ZFHX3: variants seen among roughly 807,000 people sequenced by gnomAD.
The protein encoded by ZFHX3 is zinc finger homeobox 3.
Under a neutral mutation model 279.1 loss-of-function variants are expected in ZFHX3, and 42 were observed. That is an observed-to-expected ratio of 0.15 (90% confidence interval 0.12 to 0.19). ZFHX3 has a LOEUF of 0.19. Ranked by LOEUF, ZFHX3 falls within the 10% of genes least tolerant of loss-of-function variation. The pLI is 1.00. For missense variants in ZFHX3, 4,981 were observed against 4,754.0 expected (o/e 1.05, Z -1.40); for synonymous variants, 2,293 against 1,957.8 (o/e 1.17, Z -4.52).
At chr16:72,915,647 C>T (rs1339304145) in intron 3 of ZFHX3, among the ~76,000 whole-genome samples, 1 of 151,938 alleles carries the variant, frequency 6.6e-6, no homozygotes, top group African/African-American at 2.4e-5. Flanking sequence ...CCTGTGGTTC[C>T]AGCTACTCCG....
chr16:73,256,022 T>C (rs1041509708), intron 5 of ZFHX3, among the ~76,000 whole-genome samples: 1 of 152,102 alleles, frequency 6.6e-6, no homozygotes, highest in Non-Finnish European at 1.5e-5. Context: ...AGCCCAACTT[T>C]ACATAGCAAA....
chr16:73,466,077 G>A (rs1422156516), intron 2 of ZFHX3, among the ~76,000 whole-genome samples: 1 of 152,088 alleles, frequency 6.6e-6, no homozygotes, highest in African/African-American at 2.4e-5. Context: ...CATTGTCATA[G>A]GAAACAAACA....
intron 6 of ZFHX3, among the ~76,000 whole-genome samples, chr16:73,143,273 C>T (rs890762482): frequency 1.3e-5 from 2 of 151,838 alleles, no homozygotes; most frequent in African/African-American, 4.8e-5. Flanking sequence ...AAATGGACCC[C>T]GAGAAGAGAA....
intron 1 of ZFHX3, among the ~76,000 whole-genome samples, chr16:72,972,842 C>T (rs1183433133): frequency 6.6e-6 from 1 of 152,084 alleles, no homozygotes; most frequent in African/African-American, 2.4e-5. Context: ...ATTGCCTGTC[C>T]TCTCCCCATT....
intron 2 of ZFHX3, among the ~76,000 whole-genome samples, chr16:73,664,142 G>A (rs2052811952): frequency 6.6e-6 from 1 of 152,240 alleles, no homozygotes; most frequent in African/African-American, 2.4e-5. Flanking sequence ...TTGCAAGTCA[G>A]TTTTCCAAAC....
At chr16:72,916,845 T>C (rs2039453879) in intron 3 of ZFHX3, among the ~76,000 whole-genome samples, 1 of 151,994 alleles carries the variant, frequency 6.6e-6, no homozygotes, top group African/African-American at 2.4e-5. Flanking sequence ...AAACTCCAGA[T>C]GGATAACAGA....
chr16:73,103,671 G>A (rs551307137), intron 7 of ZFHX3, among the ~76,000 whole-genome samples: 8 of 152,212 alleles, frequency 5.3e-5, no homozygotes, highest in African/African-American at 1.7e-4. Context: ...AGCATTCTAC[G>A]GTCTGATGAA....
At chr16:73,054,936 T>C (rs867550528) in intron 1 of ZFHX3, among the ~76,000 whole-genome samples, 3 of 152,280 alleles carry the variant, frequency 2.0e-5, no homozygotes, top group Middle Eastern at 3.4e-3. Context: ...AGAAAATGTG[T>C]TGCTTGCAGC....
At chr16:72,942,787 C>A (rs945516385) in intron 3 of ZFHX3, among the ~76,000 whole-genome samples, 9 of 152,126 alleles carry the variant, frequency 5.9e-5, no homozygotes, top group African/African-American at 2.2e-4. Context: ...CATTAAGGTG[C>A]CCTAAAAACC....
intron 1 of ZFHX3, among the ~76,000 whole-genome samples, chr16:73,844,543 T>C (rs747209762): frequency 6.6e-6 from 1 of 152,102 alleles, no homozygotes; most frequent in Non-Finnish European, 1.5e-5. Context: ...TAGGCTTTAT[T>C]ATTAGTCCCA....
At chr16:73,193,183 G>A (rs556786977) in intron 5 of ZFHX3, among the ~76,000 whole-genome samples, 1 of 152,308 alleles carries the variant, frequency 6.6e-6, no homozygotes, top group Admixed American at 6.5e-5. Flanking sequence ...GCAAAGAGCA[G>A]TGGAAAGAGA....
At chr16:73,599,056 C>A (rs894311438) in intron 2 of ZFHX3, among the ~76,000 whole-genome samples, 1 of 152,152 alleles carries the variant, frequency 6.6e-6, no homozygotes, top group Non-Finnish European at 1.5e-5. Flanking sequence ...CCACCACGCC[C>A]GGCCTTTGAA....
chr16:73,728,952 A>C (rs1295608877), intron 1 of ZFHX3, among the ~76,000 whole-genome samples: 2 of 152,066 alleles, frequency 1.3e-5, no homozygotes, highest in Non-Finnish European at 2.9e-5. Context: ...ACCAGCAGAC[A>C]GTTCCCATCC....
intron 5 of ZFHX3, among the ~76,000 whole-genome samples, chr16:73,191,621 T>C (rs565265304): frequency 1.0e-3 from 157 of 152,166 alleles, no homozygotes; most frequent in African/African-American, 3.4e-3. Context: ...ACTCGATTTT[T>C]CCCCCCAGAT....
At chr16:73,473,365 A>AAAAAAAAAAAAAAAAC (rs2018708335) in intron 2 of ZFHX3, among the ~76,000 whole-genome samples, 42 of 130,124 alleles carry the variant, frequency 3.2e-4, no homozygotes, top group African/African-American at 1.2e-3. Flanking sequence ...AAACAAAAAA[A>AAAAAAAAAAAAAAAAC]AAAAAAACAA....
intron 1 of ZFHX3, among the ~76,000 whole-genome samples, chr16:73,032,503 C>T (rs1232131460): frequency 6.6e-6 from 1 of 152,134 alleles, no homozygotes; most frequent in Non-Finnish European, 1.5e-5. Context: ...TCAGACTTCA[C>T]GAGCGCATGC....
intron 3 of ZFHX3, among the ~76,000 whole-genome samples, chr16:73,438,821 C>T (rs1219134412): frequency 2.0e-5 from 3 of 152,164 alleles, no homozygotes; most frequent in African/African-American, 7.2e-5. Flanking sequence ...TTTTTGGAAA[C>T]TTCCTACCTA....
chr16:73,805,565 C>T (rs756530382), intron 1 of ZFHX3, among the ~76,000 whole-genome samples: 1 of 152,192 alleles, frequency 6.6e-6, no homozygotes, highest in Non-Finnish European at 1.5e-5. Flanking sequence ...ATTGTAGATG[C>T]TCAGTCACTG....
chr16:73,820,233 G>A (rs1055050771), intron 1 of ZFHX3, among the ~76,000 whole-genome samples: 1 of 152,014 alleles, frequency 6.6e-6, no homozygotes, highest in African/African-American at 2.4e-5. Flanking sequence ...GGGACTACAG[G>A]CGCCCACCAC....
Sources: allele counts gnomAD v4.1 joint callset (sites outside exome capture counted in the v4.1 genomes callset), GRCh38; gene constraint gnomAD v4.1.1; transcripts MANE v1.5; gene names NCBI Gene and HGNC (gene_info 2026-07-23, HGNC 2026-07-21).